RPL15: variants seen among roughly 807,000 people sequenced by gnomAD.
RPL15 encodes the protein large ribosomal subunit protein eL15.
For missense variants in RPL15, 161 were observed against 271.8 expected, an observed-to-expected ratio of 0.59 and a Z score of 2.87; for synonymous variants, 97 against 95.1, an observed-to-expected ratio of 1.02 and a Z score of -0.12.
downstream of RPL15, chr3:23,921,877 ATT>A: frequency 2.2e-6 from 1 of 458,676 alleles, no homozygotes; most frequent in East Asian, 3.8e-5. Context: ...CCCCAGCCCA[ATT>A]TTTATTTTTT....
intron 3 of RPL15, chr3:23,918,868 G>T (rs1704883503): frequency 2.0e-6 from 1 of 503,226 alleles, no homozygotes; most frequent in South Asian, 3.1e-5. Context: ...TATTTTTAAA[G>T]CTAAACGTTG....
intron 2 of RPL15, 113 bp downstream of exon 2, chr3:23,918,144 C>T: frequency 1.5e-6 from 2 of 1,327,780 alleles, no homozygotes; most frequent in Non-Finnish European, 2.0e-6. Flanking sequence ...AGGGCTTTGG[C>T]AGAAAAAAGC....
At chr3:23,924,115 T>A (rs1438781591), downstream of RPL15, 1 of 152,216 alleles carries the variant, frequency 6.6e-6, no homozygotes, top group Non-Finnish European at 1.5e-5. Context: ...TAATACAAGA[T>A]GGGTGAAAGC....
At position 23,920,272 on chromosome 3, in the gene RPL15, A is replaced by G; in HGVS notation, c.*771A>G. 1.7e-5 allele frequency: 17 copies of G among 985,730 alleles called. No homozygotes were observed. Among genetic ancestry groups the G allele is most frequent in the Non-Finnish European group, 2.0e-5 (17 of 829,866 alleles). 61.1% of individuals were successfully genotyped at this position (985,730 alleles called of 1,614,324 possible). ...AATCCCTTCAGTCACATTAGGGGGA[A>G]AGTAGTTGGCTATAAGTACGTCATT... On this transcript the variant is annotated 3_prime_UTR_variant, in exon 4 of 4. Coordinates refer to ENST00000307839, the MANE Select transcript of RPL15 (RefSeq NM_002948.5).
chr3:23,920,787 C>G lies in RPL15; in HGVS notation c.*1286C>G, dbSNP rs552751022. 1 of 962,200 alleles carries G rather than the reference C, an allele frequency of 1.0e-6. No individual in the cohort carries two copies. The allele number at this position is 962,200 out of a possible 1,614,324, so 59.6% of individuals were successfully genotyped here. On this transcript the variant is annotated 3_prime_UTR_variant, in exon 4 of 4. Coordinates refer to ENST00000307839, the MANE Select transcript of RPL15 (RefSeq NM_002948.5). ...AAAAAAGAAAAGATCTTAAGTCATA[C>G]ATTTTAATTGTGTAGAGGTTGTTCA... is the stretch of plus-strand genomic sequence containing the variant.
chr3:23,919,822 C>T lies in RPL15; in HGVS notation c.*321C>T. The stretch of plus-strand genomic sequence containing the variant: ...ACTAGCCCTGTAGATTTGTCTGGTG[C>T]ATGTGATGAAACCTGCAGCTTTATC... On this transcript the variant is annotated 3_prime_UTR_variant, in exon 4 of 4. Coordinates refer to ENST00000307839, the MANE Select transcript of RPL15 (RefSeq NM_002948.5). The T allele has an allele frequency of 1.9e-6, 2 of 1,044,674 alleles. No homozygotes were observed. The highest frequency in any genetic ancestry group is 2.3e-6 in the Non-Finnish European group (2 of 868,740). 64.7% of individuals were successfully genotyped at this position (1,044,674 alleles called of 1,614,324 possible). A position where few individuals can be genotyped will look rare whatever the true frequency, so the allele number is the denominator to read the frequency against.
At position 23,917,991 on chromosome 3, in the gene RPL15, G is replaced by T. The variant is rs755759871; in HGVS notation, c.132G>T (p.Arg44=). 5 of 1,611,494 alleles carry T rather than the reference G, an allele frequency of 3.1e-6. No individual in the cohort carries two copies. The highest frequency in any genetic ancestry group is 4.2e-6 in the Non-Finnish European group (5 of 1,179,236). Residue 44 remains arginine (R), a synonymous_variant, in exon 2 of 4, where the codon CGG becomes CGT. Coordinates refer to ENST00000307839, the MANE Select transcript of RPL15 (RefSeq NM_002948.5). Reference sequence around the variant, plus strand: ...TCCACAGGGCTCCCCGCCCCACCCGGCCTGATAAAGCGCGCCGACTGGGCT... The same window carrying T: ...TCCACAGGGCTCCCCGCCCCACCCGTCCTGATAAAGCGCGCCGACTGGGCT... ...SALHRAPRPT[R]PDKARRLGYK...
chr3:23,924,445 C>T (rs542884965), downstream of RPL15: 59 of 152,302 alleles, frequency 3.9e-4, no homozygotes, highest in African/African-American at 1.3e-3. Context: ...GTCTCTGTCA[C>T]CCAGGCTGGA....
rs568760148 is a variant in RPL15, at chr3:23,920,960, G to C, written c.*1459G>C. The C allele has an allele frequency of 6.1e-6, 1 of 164,690 alleles. No homozygotes were observed. Among genetic ancestry groups the C allele is most frequent in the African/African-American group, 2.4e-5 (1 of 41,778 alleles). The allele number at this position is 164,690 out of a possible 1,614,324, so 10.2% of individuals were successfully genotyped here. On this transcript the variant is annotated 3_prime_UTR_variant, in exon 4 of 4. Coordinates refer to ENST00000307839, the MANE Select transcript of RPL15 (RefSeq NM_002948.5). Reference sequence around the variant, plus strand: ...TGTGATTATAGAAATAATATAATTTGAGATAGCATAAAATGTACTTATTCT... The same window carrying C: ...TGTGATTATAGAAATAATATAATTTCAGATAGCATAAAATGTACTTATTCT...
chr3:23,920,117 TG>T lies in RPL15; in HGVS notation c.*618del. ...GCGATAAAATTATTAGCCTTAAGAT[TG>T]GTAAGCTAGCAATGAATGCTAGGGT... On this transcript the variant is annotated 3_prime_UTR_variant, in exon 4 of 4. Coordinates refer to ENST00000307839, the MANE Select transcript of RPL15 (RefSeq NM_002948.5). 1.0e-6 allele frequency: 1 copy of T among 985,858 alleles called. No homozygotes were observed. Among genetic ancestry groups the T allele is most frequent in the Non-Finnish European group, 1.2e-6 (1 of 829,924 alleles). The allele number at this position is 985,858 out of a possible 1,614,324, so 61.1% of individuals were successfully genotyped here. A position where few individuals can be genotyped will look rare whatever the true frequency, so the allele number is the denominator to read the frequency against.
rs1704994936 is a variant in RPL15, at chr3:23,920,194, C to T, written c.*693C>T. 1.0e-6 allele frequency: 1 copy of T among 985,816 alleles called. No homozygotes were observed. The highest frequency in any genetic ancestry group is 1.2e-6 in the Non-Finnish European group (1 of 829,918). 61.1% of individuals were successfully genotyped at this position (985,816 alleles called of 1,614,324 possible). A position where few individuals can be genotyped will look rare whatever the true frequency, so the allele number is the denominator to read the frequency against. The stretch of plus-strand genomic sequence containing the variant: ...TAGATAAATACCTTTCAAGTGTGAG[C>T]TTAGACGTCAACCCTAAAATACTTA... On this transcript the variant is annotated 3_prime_UTR_variant, in exon 4 of 4. Transcript: ENST00000307839.
At chr3:23,921,527 T>A, downstream of RPL15, 2 of 680,784 alleles carry the variant, frequency 2.9e-6, no homozygotes, top group Non-Finnish European at 5.3e-6. Flanking sequence ...GCTTTACTAT[T>A]TCTATATTGG....
chr3:23,921,582 T>G (rs889590000), downstream of RPL15: 24 of 676,966 alleles, frequency 3.5e-5, no homozygotes, highest in African/African-American at 2.0e-4. Flanking sequence ...TTTTTTTTTT[T>G]TTTTTTTTTT....
chr3:23,918,760 G>T (rs1575120200), intron 3 of RPL15, 184 bp downstream of exon 3: 1 of 704,578 alleles, frequency 1.4e-6, no homozygotes, highest in East Asian at 2.8e-5. Context: ...AAATGCGTGT[G>T]TATATACTGG....
intron 2 of RPL15, 87 bp downstream of exon 2, chr3:23,918,118 G>A: frequency 1.3e-6 from 2 of 1,487,284 alleles, no homozygotes; most frequent in Non-Finnish European, 1.8e-6. Flanking sequence ...TGCTGCCTCA[G>A]TGTCTTTCTT....
chr3:23,918,065 A>G (rs1704766565), intron 2 of RPL15, 34 bp downstream of exon 2: 2 of 1,584,452 alleles, frequency 1.3e-6, no homozygotes, highest in Non-Finnish European at 1.7e-6. Flanking sequence ...CTTGGATAAA[A>G]TTATATTCGA....
At chr3:23,921,287 C>G (rs1360327460), downstream of RPL15, among the ~76,000 whole-genome samples, 2 of 152,198 alleles carry the variant, frequency 1.3e-5, no homozygotes, top group Non-Finnish European at 2.9e-5. Flanking sequence ...TTAAATTGAT[C>G]ATGGCACTCC....
chr3:23,918,365 T>C, intron 2 of RPL15, 75 bp from the exon 3 acceptor site: 3 of 1,504,856 alleles, frequency 2.0e-6, no homozygotes, highest in Non-Finnish European at 2.7e-6. Context: ...TGGTGGAGTA[T>C]TAGTGACAAG....
chr3:23,919,178 C>A lies in RPL15; in HGVS notation c.310-18C>A, dbSNP rs775525444. On this transcript the variant is annotated intron_variant, in intron 3 of 3. Coordinates refer to ENST00000307839, the MANE Select transcript of RPL15 (RefSeq NM_002948.5). Reference sequence around the variant, plus strand: ...GGCAATGTGGGAGATTGACCTTGGGCCTTTTTTCCTATTCTAGGAGCGAGC... The same window carrying A: ...GGCAATGTGGGAGATTGACCTTGGGACTTTTTTCCTATTCTAGGAGCGAGC... 1.3e-6 allele frequency: 2 copies of A among 1,580,246 alleles called. No homozygotes were observed. The highest frequency in any genetic ancestry group is 1.7e-6 in the Non-Finnish European group (2 of 1,149,832).
Sources: gnomAD v4.1 joint callset for allele counts (sites outside exome capture counted in the v4.1 genomes callset) on GRCh38, gnomAD v4.1.1 for gene constraint, MANE v1.5 for transcripts, NCBI Gene and HGNC (gene_info 2026-07-23, HGNC 2026-07-21) for gene names.